The following EXOC4 variants were observed in gnomAD, a reference collection of about 807,000 sequenced individuals.
EXOC4 encodes SEC8-like 1.
In EXOC4, 71 loss-of-function variants were observed where a neutral mutation model predicts 107.2. The observed-to-expected ratio is 0.66, with a 90% CI of 0.55 to 0.81. The LOEUF is 0.81. Ranked by LOEUF, EXOC4 falls within the 30% of genes least tolerant of loss-of-function variation. The pLI, the probability that EXOC4 is intolerant of heterozygous loss-of-function variation, is 0.00. For missense variants in EXOC4, 1,108 were observed against 1,189.6 expected, an observed-to-expected ratio of 0.93 and a Z score of 1.01; for synonymous variants, 456 against 441.2, an observed-to-expected ratio of 1.03 and a Z score of -0.42.
chr7:133,993,906 G>A (rs995469016), intron 14 of EXOC4, among the ~76,000 whole-genome samples: 2 of 152,160 alleles, frequency 1.3e-5, no homozygotes, highest in African/African-American at 2.4e-5. Flanking sequence ...TATGACACAC[G>A]ACCACCTCTA....
chr7:133,528,961 C>G (rs189241446), intron 9 of EXOC4, among the ~76,000 whole-genome samples: 165 of 152,250 alleles, frequency 1.1e-3, no homozygotes, highest in Non-Finnish European at 2.1e-3. Context: ...CTGCAGTGAA[C>G]TCTGTCATTG....
intron 10 of EXOC4, among the ~76,000 whole-genome samples, chr7:133,681,225 A>G (rs1236541631): frequency 4.6e-5 from 7 of 152,208 alleles, no homozygotes; most frequent in Admixed American, 6.5e-5. Flanking sequence ...GTTGTTTTGA[A>G]TAAATAAACT....
At chr7:133,540,941 C>G (rs1014896056) in intron 9 of EXOC4, among the ~76,000 whole-genome samples, 3 of 151,944 alleles carry the variant, frequency 2.0e-5, no homozygotes, top group African/African-American at 7.2e-5. Context: ...TGCTATTTCC[C>G]CTTTTTTGAC....
intron 4 of EXOC4, among the ~76,000 whole-genome samples, chr7:133,315,896 C>T (rs1213337727): frequency 6.6e-6 from 1 of 152,186 alleles, no homozygotes; most frequent in African/African-American, 2.4e-5. Flanking sequence ...GTGCCAAGCA[C>T]ATAATGGATG....
intron 14 of EXOC4, among the ~76,000 whole-genome samples, chr7:133,991,507 A>G (rs1794260805): frequency 6.6e-6 from 1 of 152,008 alleles, no homozygotes; most frequent in Non-Finnish European, 1.5e-5. Context: ...TTGAGGTCTT[A>G]CCCAAAAATC....
intron 10 of EXOC4, among the ~76,000 whole-genome samples, chr7:133,701,997 C>CTTTTTTTT (rs71162021): frequency 7.5e-4 from 50 of 66,552 alleles, no homozygotes; most frequent in African/African-American, 1.2e-3. Flanking sequence ...TTCTTTCTTT[C>CTTTTTTTT]TTTTTTTTTT....
intron 13 of EXOC4, among the ~76,000 whole-genome samples, chr7:133,930,982 A>G (rs1474432565): frequency 7.2e-6 from 1 of 139,700 alleles, no homozygotes; most frequent in Admixed American, 7.2e-5. Flanking sequence ...CATTTATGGC[A>G]TTTTTTTTTT....
intron 17 of EXOC4, among the ~76,000 whole-genome samples, chr7:134,036,310 G>A (rs922094123): frequency 4.6e-5 from 7 of 152,150 alleles, no homozygotes; most frequent in African/African-American, 7.2e-5. Context: ...AGAGCTGCCC[G>A]GGTGCAATGG....
chr7:133,796,949 T>C (rs1026872363), intron 10 of EXOC4, among the ~76,000 whole-genome samples: 3 of 152,170 alleles, frequency 2.0e-5, no homozygotes, highest in African/African-American at 7.2e-5. Flanking sequence ...AGTAATTGGA[T>C]TGACAGACAC....
At chr7:133,927,494 A>G (rs890821312) in intron 13 of EXOC4, among the ~76,000 whole-genome samples, 1 of 152,244 alleles carries the variant, frequency 6.6e-6, no homozygotes, top group Non-Finnish European at 1.5e-5. Flanking sequence ...CCAGCTAACT[A>G]TAGCTATTGA....
At chr7:133,925,803 C>T (rs112460003) in intron 13 of EXOC4, among the ~76,000 whole-genome samples, 3 of 151,692 alleles carry the variant, frequency 2.0e-5, no homozygotes, top group South Asian at 2.1e-4. Context: ...TTTGGGAAGC[C>T]GAGGCGAGTG....
chr7:133,499,420 T>C (rs1055068010), intron 9 of EXOC4, among the ~76,000 whole-genome samples: 2 of 152,244 alleles, frequency 1.3e-5, no homozygotes, highest in South Asian at 4.1e-4. Flanking sequence ...CTTTTTTCCA[T>C]AAGCGGATAA....
chr7:133,741,898 A>C lies in EXOC4; in HGVS notation c.1515-75427A>C, dbSNP rs74873983. 9.2e-3 allele frequency among the ~76,000 whole-genome samples: 1,400 copies of C among 152,244 alleles called. 24 individuals carry two copies. Among genetic ancestry groups the C allele is most frequent in the African/African-American group, 0.031 (1,294 of 41,538 alleles). On this transcript the variant is annotated intron_variant, in intron 10 of 17. Coordinates refer to ENST00000253861, the MANE Select transcript of EXOC4 (RefSeq NM_021807.4). Reference sequence around the variant, plus strand: ...ATTTGCTGATCTGGATTGGTGATGTAGTTATTCCAGAGACTAGCTGATTAC... The same window carrying C: ...ATTTGCTGATCTGGATTGGTGATGTCGTTATTCCAGAGACTAGCTGATTAC...
chr7:133,851,982 G>A (rs945694459), intron 11 of EXOC4, among the ~76,000 whole-genome samples: 10 of 151,938 alleles, frequency 6.6e-5, no homozygotes, highest in African/African-American at 1.9e-4. Context: ...CTTATTTTTG[G>A]CAAATTAAAA....
At chr7:133,872,508 C>T (rs1798771258) in intron 11 of EXOC4, among the ~76,000 whole-genome samples, 1 of 151,950 alleles carries the variant, frequency 6.6e-6, no homozygotes, top group Non-Finnish European at 1.5e-5. Flanking sequence ...TTAATTTTAC[C>T]CTCATTGCTA....
At chr7:133,621,546 G>A (rs1211813249) in intron 9 of EXOC4, among the ~76,000 whole-genome samples, 1 of 152,176 alleles carries the variant, frequency 6.6e-6, no homozygotes, top group Non-Finnish European at 1.5e-5. Flanking sequence ...CACGTGACAT[G>A]CTGTTCTTTT....
chr7:133,964,843 C>G (rs1222489968), intron 14 of EXOC4, among the ~76,000 whole-genome samples: 1 of 152,010 alleles, frequency 6.6e-6, no homozygotes, highest in Non-Finnish European at 1.5e-5. Flanking sequence ...GGATATCTAC[C>G]CAGTAATGGA....
the EXOC4 span, among the ~76,000 whole-genome samples, chr7:134,073,859 G>A: frequency 2.1e-3 from 316 of 152,114 alleles, no homozygotes; most frequent in Middle Eastern, 0.01. Context: ...TGAGCACTAC[G>A]TCATCAGGGC....
At chr7:133,463,222 G>T (rs1798636415) in intron 7 of EXOC4, among the ~76,000 whole-genome samples, 1 of 152,120 alleles carries the variant, frequency 6.6e-6, no homozygotes, top group South Asian at 2.1e-4. Context: ...AGACTGAGAA[G>T]AGCCACAACT....
Sources: gnomAD v4.1 joint callset for allele counts (sites outside exome capture counted in the v4.1 genomes callset) on GRCh38, gnomAD v4.1.1 for gene constraint, MANE v1.5 for transcripts, NCBI Gene and HGNC (gene_info 2026-07-23, HGNC 2026-07-21) for gene names.